The following ZBTB7C variants were observed in gnomAD, a reference collection of about 807,000 sequenced individuals.
ZBTB7C encodes the protein zinc finger and BTB domain-containing protein 7C.
ZBTB7C carries 8 observed loss-of-function variants against 25.7 expected under a neutral mutation model. The observed-to-expected ratio is 0.31, with a 90% CI of 0.18 to 0.56. The LOEUF is 0.56. ZBTB7C is among the 20% of genes least tolerant of loss of function. The probability of loss-of-function intolerance (pLI) is 0.91; values close to 1 mark genes in which losing one functional copy is unlikely to be tolerated. For synonymous variants in ZBTB7C, 394 were observed against 369.0 expected (o/e 1.07, Z -0.78); for missense variants, 824 against 855.2 (o/e 0.96, Z 0.46).
At chr18:48,217,378 C>T (rs966942299) in intron 2 of ZBTB7C, among the ~76,000 whole-genome samples, 1 of 152,204 alleles carries the variant, frequency 6.6e-6, no homozygotes, top group African/African-American at 2.4e-5. Context: ...CCCTGTCACT[C>T]CCAGGCTTAA....
intron 2 of ZBTB7C, among the ~76,000 whole-genome samples, chr18:48,312,912 C>T (rs1191394920): frequency 2.0e-5 from 3 of 152,222 alleles, no homozygotes; most frequent in Non-Finnish European, 4.4e-5. Flanking sequence ...GATGTCAATA[C>T]ATCGTAACTG....
At chr18:48,111,706 C>T (rs756241893) in intron 3 of ZBTB7C, among the ~76,000 whole-genome samples, 20 of 152,176 alleles carry the variant, frequency 1.3e-4, no homozygotes, top group Admixed American at 4.6e-4. Flanking sequence ...TTCGTGTGGA[C>T]GGGTGTCTGC....
chr18:48,200,088 G>A (rs1270671398), intron 2 of ZBTB7C, among the ~76,000 whole-genome samples: 1 of 152,016 alleles, frequency 6.6e-6, no homozygotes, highest in Non-Finnish European at 1.5e-5. Context: ...CCTGCCTGGA[G>A]AATAGACCCT....
At chr18:48,312,815 A>G (rs1254495654) in intron 2 of ZBTB7C, among the ~76,000 whole-genome samples, 1 of 152,156 alleles carries the variant, frequency 6.6e-6, no homozygotes, top group Non-Finnish European at 1.5e-5. Flanking sequence ...TTGAATGCCT[A>G]CTGTGTGTGA....
chr18:48,352,700 A>C, intron 1 of ZBTB7C, among the ~76,000 whole-genome samples: 1 of 152,154 alleles, frequency 6.6e-6, no homozygotes, highest in Non-Finnish European at 1.5e-5. Flanking sequence ...TCAAGGTAAG[A>C]TCCCAACTTT....
At chr18:48,050,955 C>A (rs1056096058) in intron 3 of ZBTB7C, among the ~76,000 whole-genome samples, 1 of 152,128 alleles carries the variant, frequency 6.6e-6, no homozygotes, top group Admixed American at 6.5e-5. Context: ...ATTTTGCCAA[C>A]GAGAAACCTA....
intron 3 of ZBTB7C, among the ~76,000 whole-genome samples, chr18:48,131,735 G>A (rs2039991457): frequency 6.6e-6 from 1 of 152,206 alleles, no homozygotes; most frequent in Non-Finnish European, 1.5e-5. Flanking sequence ...ACCAGGGTGT[G>A]CAGGATGCTC....
chr18:48,138,600 G>A (rs997365726), intron 3 of ZBTB7C, among the ~76,000 whole-genome samples: 2 of 152,076 alleles, frequency 1.3e-5, no homozygotes, highest in African/African-American at 4.8e-5. Flanking sequence ...ATGTGGTGGG[G>A]AGAGGCTGCT....
chr18:48,323,808 T>C (rs538309695), intron 2 of ZBTB7C, among the ~76,000 whole-genome samples: 48 of 152,176 alleles, frequency 3.2e-4, no homozygotes, highest in Non-Finnish European at 5.1e-4. Flanking sequence ...ATTAAACATC[T>C]ACTTATAACT....
intron 3 of ZBTB7C, among the ~76,000 whole-genome samples, chr18:48,140,481 C>T (rs2040306746): frequency 6.6e-6 from 1 of 152,202 alleles, no homozygotes; most frequent in Admixed American, 6.5e-5. Flanking sequence ...GGACATCACA[C>T]TGCATCTTTG....
intron 2 of ZBTB7C, among the ~76,000 whole-genome samples, chr18:48,325,867 G>A (rs986023137): frequency 1.3e-5 from 2 of 152,116 alleles, no homozygotes; most frequent in African/African-American, 4.8e-5. Context: ...TTTGACTAGT[G>A]TAGGCCATGG....
chr18:48,277,457 A>G (rs1165510790), intron 2 of ZBTB7C, among the ~76,000 whole-genome samples: 1 of 152,224 alleles, frequency 6.6e-6, no homozygotes, highest in African/African-American at 2.4e-5. Context: ...ATACCATCTC[A>G]CACCAGTCCT....
intron 2 of ZBTB7C, among the ~76,000 whole-genome samples, chr18:48,217,953 C>G (rs776896440): frequency 2.0e-5 from 3 of 152,308 alleles, no homozygotes; most frequent in Non-Finnish European, 2.9e-5. Context: ...GCTACCAACT[C>G]AGTGTACCAC....
At chr18:48,177,797 G>A (rs1276226714) in intron 3 of ZBTB7C, among the ~76,000 whole-genome samples, 1 of 152,148 alleles carries the variant, frequency 6.6e-6, no homozygotes, top group African/African-American at 2.4e-5. Context: ...ACACAGCAAC[G>A]GGCTCCCTTG....
Position 48,110,918 on chromosome 18 carries a change from T to C in ZBTB7C, c.-16-69795A>G, listed in dbSNP as rs572233721. ...TCTCAGGTGGAAGAGAAATCAGGCT[T>C]ATTCCTTTGCTCCAGTGGACAGAGT... On this transcript the variant is annotated intron_variant, in intron 3 of 4. Coordinates refer to ENST00000590800, the MANE Select transcript of ZBTB7C (RefSeq NM_001318841.2). Among the ~76,000 whole-genome samples, 249 of 152,276 alleles carry C rather than the reference T, an allele frequency of 1.6e-3. 5 individuals are homozygous for C. Among genetic ancestry groups the C allele is most frequent in the Non-Finnish European group, 6.6e-4 (45 of 68,026 alleles).
chr18:48,369,898 A>G (rs2047346071), intron 1 of ZBTB7C, among the ~76,000 whole-genome samples: 1 of 152,210 alleles, frequency 6.6e-6, no homozygotes, highest in Non-Finnish European at 1.5e-5. Flanking sequence ...AATAGAATCT[A>G]ATCAACATTT....
Position 48,084,460 on chromosome 18 carries a change from T to C in ZBTB7C, c.-16-43337A>G, listed in dbSNP as rs560350362. On this transcript the variant is annotated intron_variant, in intron 3 of 4. Transcript: ENST00000590800. ...TCACAGCAGTGGCGGCAGGTGGCTC[T>C]TGAGGTCCCTGCAGCTCCTCTGCTC... Among the ~76,000 whole-genome samples the C allele has an allele frequency of 2.0e-5, 3 of 152,320 alleles. No homozygotes were observed. The East Asian group carries it at 5.8e-4, about 29-fold the overall frequency.
intron 3 of ZBTB7C, among the ~76,000 whole-genome samples, chr18:48,116,870 G>C (rs752387714): frequency 1.9e-4 from 29 of 152,148 alleles, no homozygotes; most frequent in Non-Finnish European, 3.5e-4. Flanking sequence ...TAGTTCTCCT[G>C]TCACGCTATG....
intron 2 of ZBTB7C, among the ~76,000 whole-genome samples, chr18:48,188,589 C>A (rs1347164470): frequency 6.6e-6 from 1 of 152,170 alleles, no homozygotes; most frequent in Non-Finnish European, 1.5e-5. Context: ...GGCTCATAAG[C>A]ATGGTGTTTG....
Sources: gnomAD v4.1 joint callset for allele counts (sites outside exome capture counted in the v4.1 genomes callset) on GRCh38, gnomAD v4.1.1 for gene constraint, MANE v1.5 for transcripts, NCBI Gene and HGNC (gene_info 2026-07-23, HGNC 2026-07-21) for gene names.